Variants in HPGDS observed in about 807,000 individuals in gnomAD.
HPGDS encodes the protein hematopoietic prostaglandin D synthase, also known as GST class-sigma.
Under a neutral mutation model 23.1 loss-of-function variants are expected in HPGDS, and 26 were observed. The observed-to-expected ratio is 1.13, with a 90% confidence interval of 0.83 to 1.56. The LOEUF (loss-of-function observed/expected upper bound fraction) is 1.56. Among genes scored for constraint, HPGDS ranks in the 40% most tolerant of loss-of-function variants. The probability of loss-of-function intolerance (pLI) is 0.00; values close to 1 mark genes in which losing one functional copy is unlikely to be tolerated. For synonymous variants in HPGDS, 95 were observed against 77.9 expected (o/e 1.22, Z -1.16); for missense variants, 268 against 236.4 (o/e 1.13, Z -0.88).
intron 3 of HPGDS, among the ~76,000 whole-genome samples, chr4:94,309,891 C>A (rs1178082753): frequency 6.6e-6 from 1 of 152,132 alleles, no homozygotes; most frequent in African/African-American, 2.4e-5. Context: ...TGATGACGAG[C>A]ATTTTTTCAT....
intron 3 of HPGDS, among the ~76,000 whole-genome samples, chr4:94,310,519 G>A (rs1375045582): frequency 6.6e-6 from 1 of 152,198 alleles, no homozygotes; most frequent in African/African-American, 2.4e-5. Context: ...CCAGTACCAT[G>A]CTGTTTTGGT....
chr4:94,322,901 G>T (rs1756546342), intron 2 of HPGDS, among the ~76,000 whole-genome samples: 1 of 152,168 alleles, frequency 6.6e-6, no homozygotes, highest in African/African-American at 2.4e-5. Flanking sequence ...TGGGCATTTA[G>T]TGCTATAAAT....
intron 3 of HPGDS, among the ~76,000 whole-genome samples, chr4:94,315,682 T>G (rs1432230797): frequency 6.6e-6 from 1 of 152,216 alleles, no homozygotes; most frequent in Non-Finnish European, 1.5e-5. Context: ...TGTATGTAAA[T>G]TATACCTCAA....
intron 2 of HPGDS, among the ~76,000 whole-genome samples, chr4:94,331,738 T>C (rs991563765): frequency 6.6e-6 from 1 of 152,184 alleles, no homozygotes; most frequent in Non-Finnish European, 1.5e-5. Context: ...TCAAGACATG[T>C]CTGTTGTCCC....
intron 2 of HPGDS, among the ~76,000 whole-genome samples, chr4:94,322,733 T>C (rs1560591453): frequency 1.3e-5 from 2 of 151,874 alleles, no homozygotes; most frequent in East Asian, 3.8e-4. Flanking sequence ...TCGCTGATTT[T>C]TTGAAGGGTT....
chr4:94,320,860 T>A (rs1756493847), intron 2 of HPGDS, among the ~76,000 whole-genome samples: 1 of 152,246 alleles, frequency 6.6e-6, no homozygotes, highest in African/African-American at 2.4e-5. Context: ...TGAATGGTAT[T>A]GCCTAGGTTT....
chr4:94,314,175 C>T (rs1756342594), intron 3 of HPGDS, among the ~76,000 whole-genome samples: 1 of 152,208 alleles, frequency 6.6e-6, no homozygotes, highest in South Asian at 2.1e-4. Flanking sequence ...TGTTCCATTG[C>T]TGGTGAGGAG....
intron 1 of HPGDS, among the ~76,000 whole-genome samples, chr4:94,339,935 C>T (rs1721103780): frequency 6.6e-6 from 1 of 152,144 alleles, no homozygotes. Flanking sequence ...GTCTTGCCTG[C>T]TGCCATGTAA....
chr4:94,340,311 C>CTTTTCTTTTTTTTTTTTTTTTTTT (rs1721126934), intron 1 of HPGDS, among the ~76,000 whole-genome samples: 3 of 23,678 alleles, frequency 1.3e-4, no homozygotes, highest in East Asian at 1.4e-3. Flanking sequence ...CTTTCTTTCT[C>CTTTTCTTTTTTTTTTTTTTTTTTT]TTTTTTTTTT....
intron 1 of HPGDS, among the ~76,000 whole-genome samples, chr4:94,337,530 C>G (rs1195871726): frequency 6.6e-6 from 1 of 151,730 alleles, no homozygotes; most frequent in Non-Finnish European, 1.5e-5. Flanking sequence ...CAAAAATTAG[C>G]TGGGGGTGGT....
intron 2 of HPGDS, among the ~76,000 whole-genome samples, chr4:94,321,622 A>C (rs1369625553): frequency 1.3e-5 from 2 of 152,198 alleles, no homozygotes; most frequent in Non-Finnish European, 2.9e-5. Flanking sequence ...TTGTATCCTG[A>C]GACTTTGTTG....
intron 2 of HPGDS, among the ~76,000 whole-genome samples, chr4:94,323,004 C>T (rs1756548911): frequency 6.6e-6 from 1 of 152,146 alleles, no homozygotes; most frequent in Non-Finnish European, 1.5e-5. Context: ...TTATTTCTGC[C>T]TTCATTTCGT....
intron 3 of HPGDS, among the ~76,000 whole-genome samples, 199 bp downstream of exon 3, chr4:94,317,674 T>A (rs1455243300): frequency 6.6e-6 from 1 of 152,200 alleles, no homozygotes; most frequent in Non-Finnish European, 1.5e-5. Flanking sequence ...GGAGGCGATA[T>A]AAAATAAAAT....
intron 2 of HPGDS, among the ~76,000 whole-genome samples, chr4:94,333,232 C>T (rs1756763947): frequency 6.6e-6 from 1 of 152,196 alleles, no homozygotes; most frequent in African/African-American, 2.4e-5. Context: ...TTCCTTTCTT[C>T]TTAGAGTAAT....
intron 2 of HPGDS, among the ~76,000 whole-genome samples, chr4:94,326,108 A>G (rs1180187693): frequency 6.6e-6 from 1 of 151,372 alleles, no homozygotes; most frequent in African/African-American, 2.4e-5. Context: ...TTCTGTCACT[A>G]TTTTTGGAAT....
intron 5 of HPGDS, among the ~76,000 whole-genome samples, chr4:94,301,099 G>T (rs1224459158): frequency 2.0e-5 from 3 of 152,140 alleles, no homozygotes; most frequent in Non-Finnish European, 2.9e-5. Context: ...AAATGAAGGG[G>T]TATGTGAAGA....
chr4:94,340,634 C>T (rs1371239137), intron 1 of HPGDS, among the ~76,000 whole-genome samples: 1 of 116,332 alleles, frequency 8.6e-6, no homozygotes, highest in East Asian at 2.5e-4. Flanking sequence ...CCACCGGGCC[C>T]GGCCCGCCCC....
chr4:94,308,674 A>G lies in HPGDS; in HGVS notation c.296T>C (p.Met99Thr), dbSNP rs375827491. Residue 99 changes from methionine to threonine, a missense_variant, in exon 4 of 6, where the codon ATG becomes ACG. By Grantham distance (81) the Met-to-Thr change is moderately conservative. Transcript: ENST00000295256. ...TTTCTCTGCCCAAGGAAAACATGAC[A>G]TGAAATCATCCAGAGTGTCCACAAT... The part of the protein sequence containing the change: ...DAIVDTLDDF[M>T]SCFPWAEKKQ... 25 of 1,609,260 alleles carry G rather than the reference A, an allele frequency of 1.6e-5. No homozygotes were observed. Among genetic ancestry groups the G allele is most frequent in the Middle Eastern group, 1.6e-4 (1 of 6,062 alleles).
At chr4:94,320,677 G>C (rs559337117) in intron 2 of HPGDS, among the ~76,000 whole-genome samples, 175 of 152,218 alleles carry the variant, frequency 1.1e-3, no homozygotes, top group African/African-American at 4.0e-3. Context: ...TTGTCAGATG[G>C]ATAGATTGCA....
Sources: allele counts gnomAD v4.1 joint callset (sites outside exome capture counted in the v4.1 genomes callset), GRCh38; gene constraint gnomAD v4.1.1; transcripts MANE v1.5; gene names NCBI Gene and HGNC (gene_info 2026-07-23, HGNC 2026-07-21).